The following CDC5L variants were observed in gnomAD, a reference collection of about 807,000 sequenced individuals.
The protein encoded by CDC5L is cell division cycle 5-like protein.
CDC5L carries 18 observed loss-of-function variants against 104.1 expected under a neutral mutation model. That is an observed-to-expected ratio of 0.17 (90% CI 0.12 to 0.26). CDC5L has a LOEUF of 0.26. CDC5L is among the 10% of genes least tolerant of loss of function. The pLI, the probability that CDC5L is intolerant of heterozygous loss-of-function variation, is 1.00. For missense variants in CDC5L, 673 were observed against 956.9 expected (o/e 0.70, Z 3.91); for synonymous variants, 331 against 322.7 (o/e 1.03, Z -0.28).
At chr6:44,432,025 T>C (rs1216600970) in intron 14 of CDC5L, among the ~76,000 whole-genome samples, 1 of 152,228 alleles carries the variant, frequency 6.6e-6, no homozygotes, top group East Asian at 1.9e-4. Context: ...TCAAGTCCTT[T>C]AATTTGGTAA....
chr6:44,408,547 C>T lies in CDC5L; in HGVS notation c.1007C>T (p.Thr336Ile), dbSNP rs200890159. The T allele has an allele frequency of 6.2e-7, 1 of 1,613,978 alleles. No homozygotes were observed. The highest frequency in any genetic ancestry group is 2.2e-5 in the East Asian group (1 of 44,878). Reference protein sequence around the residue: ...ESGITNSASSTLLSEYNVTNN... With the variant: ...ESGITNSASSILLSEYNVTNN... ...GGCATAACAAATTCTGCTTCCAGTA[C>T]ACTTTTGTCTGAGTACAATGTCACC... Residue 336 changes from threonine (T) to isoleucine (I), a missense_variant, in exon 8 of 16, where the codon ACA (threonine) becomes ATA (isoleucine). This residue lies in a region of CDC5L where 578 missense variants were observed against 737.0 expected (regional missense o/e 0.78). Transcript: ENST00000371477.
At chr6:44,427,361 TGGAAGCA>T (rs1792471798) in intron 13 of CDC5L, among the ~76,000 whole-genome samples, 1 of 152,320 alleles carries the variant, frequency 6.6e-6, no homozygotes. Flanking sequence ...GTCTCATCGT[TGGAAGCA>T]GAGTGGTCAT....
At chr6:44,412,330 G>A (rs1465992407) in intron 8 of CDC5L, among the ~76,000 whole-genome samples, 1 of 148,770 alleles carries the variant, frequency 6.7e-6, no homozygotes, top group Non-Finnish European at 1.5e-5. Flanking sequence ...TTCAGACAGG[G>A]TCTCACTCCC....
At chr6:44,428,623 A>G (rs997624655) in intron 13 of CDC5L, among the ~76,000 whole-genome samples, 4 of 152,244 alleles carry the variant, frequency 2.6e-5, no homozygotes, top group Admixed American at 1.3e-4. Flanking sequence ...AAGCCCTGAG[A>G]AATGGGCTCA....
chr6:44,391,483 C>T (rs1329346275), intron 2 of CDC5L, among the ~76,000 whole-genome samples: 4 of 151,956 alleles, frequency 2.6e-5, no homozygotes, highest in Admixed American at 6.6e-5. Context: ...CTCCTGACCT[C>T]GTGATCCATC....
Position 44,403,886 on chromosome 6 carries a change from G to C in CDC5L, c.617G>C (p.Arg206Thr). Residue 206 changes from arginine to threonine, a missense_variant, in exon 6 of 16, where the codon AGA becomes ACA. By Grantham distance (71) the Arg-to-Thr change is moderately conservative. Around this residue, in one of 4 missense-constraint regions of CDC5L, gnomAD observed 578 missense variants for 737.0 expected, o/e 0.78. Coordinates refer to ENST00000371477, the MANE Select transcript of CDC5L (RefSeq NM_001253.4). ...IEIQKKRKRK[R>T]GVDYNAEIPF... ...ATTCAGAAGAAAAGAAAAAGGAAGA[G>C]AGGAGTTGATTATAATGCCGAAATC... 6.2e-7 allele frequency: 1 copy of C among 1,613,664 alleles called. No individual in the cohort carries two copies. Among genetic ancestry groups the C allele is most frequent in the South Asian group, 1.1e-5 (1 of 90,976 alleles).
intron 1 of CDC5L, among the ~76,000 whole-genome samples, chr6:44,389,440 T>TG (rs1347048238): frequency 1.3e-5 from 2 of 152,102 alleles, no homozygotes; most frequent in African/African-American, 4.8e-5. Context: ...AAATCCAATG[T>TG]GGGAAAAAAA....
intron 12 of CDC5L, 147 bp downstream of exon 12, chr6:44,426,330 T>C (rs1439430873): frequency 3.9e-6 from 3 of 764,552 alleles, no homozygotes; most frequent in African/African-American, 1.8e-5. Context: ...ATCTTTAAAA[T>C]GTTTCAGTAG....
Position 44,412,781 on chromosome 6 carries a change from CTTTTTTTTTT to C in CDC5L, c.1092+4159_1092+4168del, listed in dbSNP as rs397950082. ...ACCACAGTCAATTTTAGAATAATTT[CTTTTTTTTTT>C]TTTTTTTTTGAGACGGAGTCTCGCT... is the stretch of plus-strand genomic sequence containing the variant. On this transcript the variant is annotated intron_variant, in intron 8 of 15. Coordinates refer to ENST00000371477, the MANE Select transcript of CDC5L (RefSeq NM_001253.4). Among the ~76,000 whole-genome samples, 30 of 106,590 alleles carry C rather than the reference CTTTTTTTTTT, an allele frequency of 2.8e-4. No homozygotes were observed. In the Admixed American group the frequency reaches 3.6e-3, roughly 13 times the overall value. 69.9% of individuals were successfully genotyped at this position (106,590 alleles called of 152,430 possible).
intron 7 of CDC5L, among the ~76,000 whole-genome samples, chr6:44,407,644 T>G (rs946664396): frequency 4.6e-5 from 7 of 152,230 alleles, no homozygotes; most frequent in Admixed American, 2.0e-4. Flanking sequence ...CCCTTTTTTT[T>G]GTCTGTTTTG....
rs1792327383 is a variant in CDC5L at position 44,424,414 on chromosome 6, T to C, written c.1405-5T>C. ...GAATTGAGAAGGACCACTTCTTTTC[T>C]ACAGGAAAGAGAATCCCGAGAACAT... On this transcript the variant is annotated splice_polypyrimidine_tract_variant and splice_region_variant and intron_variant, in intron 10 of 15. Coordinates refer to ENST00000371477, the MANE Select transcript of CDC5L (RefSeq NM_001253.4). 7 of 1,610,432 alleles carry C rather than the reference T, an allele frequency of 4.3e-6. No homozygotes were observed. Among genetic ancestry groups the C allele is most frequent in the Non-Finnish European group, 5.9e-6 (7 of 1,177,718 alleles).
chr6:44,414,469 A>T (rs1212972291), intron 8 of CDC5L, among the ~76,000 whole-genome samples: 4 of 134,882 alleles, frequency 3.0e-5, no homozygotes, highest in African/African-American at 8.5e-5. Flanking sequence ...TTCTTTACTC[A>T]TTTTTAAATT....
rs570743836 is a variant in CDC5L, at chr6:44,434,131, A to C, written c.2091+4221A>C. Among the ~76,000 whole-genome samples the C allele has an allele frequency of 8.5e-5, 13 of 152,338 alleles. No individual in the cohort carries two copies. The East Asian group carries it at 1.3e-3, about 16-fold the overall frequency. On this transcript the variant is annotated intron_variant, in intron 14 of 15. Transcript: ENST00000371477. The stretch of plus-strand genomic sequence containing the variant: ...CGTAGTTGTCTCTGGTAAGAACTTT[A>C]TGAGCTGGAACAGACATCCTGATAC...
intron 4 of CDC5L, among the ~76,000 whole-genome samples, chr6:44,394,891 TACACACACACACACAC>T (rs57508430): frequency 3.2e-5 from 4 of 125,992 alleles, no homozygotes; most frequent in Non-Finnish European, 4.6e-5. Flanking sequence ...AAAAATGGTA[TACACACACACACACAC>T]ACACACACAC....
At chr6:44,421,707 A>G (rs1260014754) in intron 9 of CDC5L, among the ~76,000 whole-genome samples, 1 of 152,256 alleles carries the variant, frequency 6.6e-6, no homozygotes, top group Non-Finnish European at 1.5e-5. Context: ...CCAACTATTT[A>G]TATAGCATTT....
rs11572038 is a variant in CDC5L at position 44,431,600 on chromosome 6, CT to C, written c.2091+1696del. Among the ~76,000 whole-genome samples, 1,121 of 152,124 alleles carry C rather than the reference CT, an allele frequency of 7.4e-3. 13 individuals are homozygous for C. Among genetic ancestry groups the C allele is most frequent in the African/African-American group, 0.025 (1,043 of 41,494 alleles). Reference sequence around the variant, plus strand: ...CCGCAAATGGCAAGAACATTTTGTGCTTTTTTAAATGGTAGAAAATTTTTTT... The same window carrying C: ...CCGCAAATGGCAAGAACATTTTGTGCTTTTTAAATGGTAGAAAATTTTTTT... On this transcript the variant is annotated intron_variant, in intron 14 of 15. Coordinates refer to ENST00000371477, the MANE Select transcript of CDC5L (RefSeq NM_001253.4).
rs1792598915 is a variant in CDC5L, at chr6:44,429,885, T to C, written c.2066T>C (p.Ile689Thr). The C allele has an allele frequency of 6.2e-7, 1 of 1,613,936 alleles. No individual in the cohort carries two copies. The highest frequency in any genetic ancestry group is 1.3e-5 in the African/African-American group (1 of 75,038). Reference sequence around the variant, plus strand: ...AATCTGGCTAGTAAAAAGGACAGAATTGAATCACTTGAAAAGAGGCTCGAG... The same window carrying C: ...AATCTGGCTAGTAAAAAGGACAGAACTGAATCACTTGAAAAGAGGCTCGAG... ...RANLASKKDR[I>T]ESLEKRLEIN... Residue 689 changes from isoleucine to threonine, a missense_variant, in exon 14 of 16, where the codon ATT becomes ACT. By Grantham distance (89) the Ile-to-Thr change is moderately conservative. Coordinates refer to ENST00000371477, the MANE Select transcript of CDC5L (RefSeq NM_001253.4).
At chr6:44,408,066 T>C (rs1005701361) in intron 7 of CDC5L, among the ~76,000 whole-genome samples, 28 of 152,192 alleles carry the variant, frequency 1.8e-4, no homozygotes, top group African/African-American at 6.0e-4. Context: ...ACAGCCTTTG[T>C]AGCTTGATTC....
intron 5 of CDC5L, among the ~76,000 whole-genome samples, chr6:44,399,949 T>C (rs960125436): frequency 3.3e-5 from 5 of 152,162 alleles, no homozygotes; most frequent in Non-Finnish European, 7.4e-5. Context: ...CACACCTGGC[T>C]ACTTTATTTT....
Sources: allele counts gnomAD v4.1 joint callset (sites outside exome capture counted in the v4.1 genomes callset), GRCh38; gene constraint gnomAD v4.1.1; regional missense constraint gnomAD v4.1.1; transcripts MANE v1.5; gene names NCBI Gene and HGNC (gene_info 2026-07-23, HGNC 2026-07-21).